Variants in AMELX observed in about 807,000 individuals in gnomAD.
AMELX encodes amelogenin, X isoform.
In AMELX, 9 loss-of-function variants were observed where a neutral mutation model predicts 15.8. The observed-to-expected ratio is 0.57, with a 90% confidence interval of 0.34 to 0.99. The LOEUF (loss-of-function observed/expected upper bound fraction) is 0.99. Ranked by LOEUF, AMELX falls within the 50% of genes least tolerant of loss-of-function variation. The pLI, the probability that AMELX is intolerant of heterozygous loss-of-function variation, is 0.02. For missense variants in AMELX, 107 were observed against 156.2 expected (o/e 0.68, Z 1.68); for synonymous variants, 61 against 58.8 (o/e 1.04, Z -0.17).
Position 11,300,478 on chromosome X carries a change from A to C in AMELX, c.571-129A>C, listed in dbSNP as rs191399494. On this transcript the variant is annotated intron_variant, in intron 5 of 5. Coordinates refer to ENST00000380714, the MANE Select transcript of AMELX (RefSeq NM_001142.2). The stretch of plus-strand genomic sequence containing the variant: ...AACGAAATAACAAAGAAACTTCAGA[A>C]ATTATAGAGTTCAACTTAAATGGTT... The C allele has an allele frequency of 2.0e-5, 11 of 538,232 alleles. No homozygotes were observed. In the Admixed American group the frequency reaches 3.2e-4, roughly 16 times the overall value. The allele number at this position is 538,232 out of a possible 1,213,427, so 44.4% of individuals were successfully genotyped here. A position where few individuals can be genotyped will look rare whatever the true frequency, so the allele number is the denominator to read the frequency against.
At chrX:11,305,185 A>G (rs1246542453), downstream of AMELX, among the ~76,000 whole-genome samples, 1 of 111,032 alleles carries the variant, frequency 9.0e-6, no homozygotes, top group Non-Finnish European at 1.9e-5. Context: ...ACAGGGATCT[A>G]AACAAATCAA....
chrX:11,298,683 G>A lies in AMELX; in HGVS notation c.280G>A (p.Val94Met), dbSNP rs373800800. The A allele has an allele frequency of 4.0e-5, 48 of 1,208,188 alleles. No individual in the cohort carries two copies. Among genetic ancestry groups the A allele is most frequent in the Non-Finnish European group, 5.0e-5 (45 of 894,843 alleles). ...CCCAGTGGTGCCAGCTCAGCAGCCC[G>A]TGATCCCCCAGCAACCAATGATGCC... Reference protein sequence around the residue: ...HIPVVPAQQPVIPQQPMMPVP... With the variant: ...HIPVVPAQQPMIPQQPMMPVP... The change falls in exon 5 of 6, where the codon GTG (valine) becomes ATG (methionine). Residue 94 changes from valine (V) to methionine (M), a missense_variant. Physicochemically the swap from Val to Met is conservative, Grantham distance 21. Transcript: ENST00000380714.
At chrX:11,297,284 A>G (rs1324741703) in intron 3 of AMELX, among the ~76,000 whole-genome samples, 2 of 111,918 alleles carry the variant, frequency 1.8e-5, no homozygotes, top group Admixed American at 9.5e-5. Context: ...GGTATAGGAG[A>G]GACTCCGCAG....
intron 2 of AMELX, among the ~76,000 whole-genome samples, chrX:11,295,915 C>T (rs2048077262): frequency 8.9e-6 from 1 of 111,980 alleles, no homozygotes; most frequent in Non-Finnish European, 1.9e-5. Flanking sequence ...TCTCTCCTCC[C>T]TGGACCCCAG....
the AMELX span, among the ~76,000 whole-genome samples, chrX:11,309,002 CTG>C: frequency 8.9e-6 from 1 of 111,893 alleles, no homozygotes; most frequent in Non-Finnish European, 1.9e-5. Context: ...GGCAGTGTGA[CTG>C]TCATTTGAAC....
intron 2 of AMELX, among the ~76,000 whole-genome samples, chrX:11,296,118 A>G (rs937245325): frequency 3.6e-5 from 4 of 112,484 alleles, no homozygotes; most frequent in Non-Finnish European, 7.5e-5. Flanking sequence ...TTCATTTTCC[A>G]TGGGATTTAT....
At chrX:11,309,204 C>A in the AMELX span, among the ~76,000 whole-genome samples, 2 of 111,808 alleles carry the variant, frequency 1.8e-5, no homozygotes, top group African/African-American at 6.5e-5. Flanking sequence ...GCAGTAGGCA[C>A]GAAACACAGA....
At chrX:11,299,918 C>A (rs1431989208) in intron 5 of AMELX, among the ~76,000 whole-genome samples, 1 of 111,586 alleles carries the variant, frequency 9.0e-6, no homozygotes, top group African/African-American at 3.3e-5. Context: ...ATGACGAAAT[C>A]AGATTATTTT....
chrX:11,304,777 C>CTTTTTTTTTTTTTTTTTTTTTTTTT (rs953912280), downstream of AMELX, among the ~76,000 whole-genome samples: 1 of 50,308 alleles, frequency 2.0e-5, no homozygotes, highest in Non-Finnish European at 3.7e-5. Flanking sequence ...CTTTCTTTTA[C>CTTTTTTTTTTTTTTTTTTTTTTTTT]TTTTTTTTTT....
At chrX:11,295,202 G>T (rs1257175650) in intron 2 of AMELX, among the ~76,000 whole-genome samples, 1 of 111,412 alleles carries the variant, frequency 9.0e-6, no homozygotes, top group Non-Finnish European at 1.9e-5. Flanking sequence ...AACCAGCTTT[G>T]GACAAATATT....
intron 5 of AMELX, among the ~76,000 whole-genome samples, chrX:11,300,220 C>A (rs1459730952): frequency 1.8e-5 from 2 of 111,614 alleles, no homozygotes; most frequent in East Asian, 5.6e-4. Context: ...TGACTTTGGG[C>A]AGATAGTTTG....
chrX:11,299,789 C>T (rs1331814222), intron 5 of AMELX, among the ~76,000 whole-genome samples: 5 of 111,615 alleles, frequency 4.5e-5, no homozygotes, highest in African/African-American at 1.6e-4. Context: ...GTGGAAATGA[C>T]CAGGATAAGA....
the AMELX span, among the ~76,000 whole-genome samples, chrX:11,308,257 T>C: frequency 0.014 from 1,614 of 112,352 alleles, 31 homozygotes; most frequent in African/African-American, 0.05. Context: ...CCAGCAAGTA[T>C]TTAATTAGGC....
chrX:11,303,204 G>C (rs1350983503), downstream of AMELX, among the ~76,000 whole-genome samples: 1 of 112,500 alleles, frequency 8.9e-6, no homozygotes, highest in Non-Finnish European at 1.9e-5. Context: ...TGAAATTCTT[G>C]TTAGTTGGAG....
Position 11,298,993 on chromosome X carries a change from A to G in AMELX, c.570+20A>G. ...GAAGTGGTGAGTATATTTTGAAGCCACTACAATGCAAATCCTGTGAAAATG... is the reference window on the plus strand; with the variant it reads ...GAAGTGGTGAGTATATTTTGAAGCCGCTACAATGCAAATCCTGTGAAAATG... On this transcript the variant is annotated intron_variant, in intron 5 of 5. Transcript: ENST00000380714. The G allele has an allele frequency of 2.5e-6, 3 of 1,204,479 alleles. No individual in the cohort carries two copies. The highest frequency in any genetic ancestry group is 2.2e-5 in the Admixed American group (1 of 45,431).
downstream of AMELX, among the ~76,000 whole-genome samples, chrX:11,303,476 A>T (rs987363359): frequency 3.6e-5 from 4 of 112,218 alleles, no homozygotes; most frequent in Non-Finnish European, 7.5e-5. Flanking sequence ...TTACCTCAAT[A>T]AATCACACTT....
chrX:11,308,024 T>A, the AMELX span, among the ~76,000 whole-genome samples: 1 of 112,662 alleles, frequency 8.9e-6, no homozygotes, highest in Non-Finnish European at 1.9e-5. Flanking sequence ...TTCGTATATA[T>A]TTTAATTACT....
chrX:11,298,724 C>T lies in AMELX; in HGVS notation c.321C>T (p.His107=). Residue 107 remains histidine, a synonymous_variant, in exon 5 of 6, where the codon CAC becomes CAT. Transcript: ENST00000380714. The stretch of plus-strand genomic sequence containing the variant: ...CAATGATGCCCGTTCCTGGCCAACA[C>T]TCCATGACTCCAATCCAACACCACC... ...QQPMMPVPGQ[H]SMTPIQHHQP... 1 of 1,211,275 alleles carries T rather than the reference C, an allele frequency of 8.3e-7. No homozygotes were observed. Among genetic ancestry groups the T allele is most frequent in the Middle Eastern group, 2.3e-4 (1 of 4,354 alleles).
downstream of AMELX, among the ~76,000 whole-genome samples, chrX:11,302,964 G>A (rs755869333): frequency 8.9e-6 from 1 of 112,192 alleles, no homozygotes; most frequent in Admixed American, 9.4e-5. Flanking sequence ...AACAATAGCT[G>A]AAAATACCAA....
Sources: allele counts gnomAD v4.1 joint callset (sites outside exome capture counted in the v4.1 genomes callset), GRCh38; gene constraint gnomAD v4.1.1; transcripts MANE v1.5; gene names NCBI Gene and HGNC (gene_info 2026-07-23, HGNC 2026-07-21).